Variants in KHDC1 observed in about 807,000 individuals in gnomAD.
The protein encoded by KHDC1 is KH domain containing 1.
Under a neutral mutation model 24.7 loss-of-function variants are expected in KHDC1, and 21 were observed. That is an observed-to-expected ratio of 0.85 (90% CI 0.60 to 1.23). The LOEUF (loss-of-function observed/expected upper bound fraction) is 1.23, where lower values mean the gene tolerates loss of function less well. KHDC1 is among the 50% of genes most tolerant of loss of function. KHDC1 has a pLI of 0.00. For missense variants in KHDC1, 274 were observed against 298.5 expected (o/e 0.92, Z 0.61); for synonymous variants, 98 against 111.7 (o/e 0.88, Z 0.77).
intron 2 of KHDC1, among the ~76,000 whole-genome samples, chr6:73,248,974 A>G (rs1766728065): frequency 1.3e-5 from 2 of 151,794 alleles, no homozygotes; most frequent in African/African-American, 4.8e-5. Context: ...AAGAAAAGGT[A>G]AAGTTTCAGA....
rs182907880 is a variant in KHDC1, at chr6:73,290,550, A to G, written c.206+1448T>C. 6.4e-5 allele frequency: 30 copies of G among 469,394 alleles called. No individual in the cohort carries two copies. The Admixed American group carries it at 7.3e-4, about 11-fold the overall frequency. The allele number at this position is 469,394 out of a possible 1,614,324, so 29.1% of individuals were successfully genotyped here. A position where few individuals can be genotyped will look rare whatever the true frequency, so the allele number is the denominator to read the frequency against. ...CTAACAAGATCCAAAGTCCACAAAT[A>G]TATCATAAATCTGAAGAGGAACTGG... On this transcript the variant is annotated intron_variant, in intron 2 of 4. Transcript: ENST00000370384.
intron 2 of KHDC1, among the ~76,000 whole-genome samples, chr6:73,272,824 G>A (rs1469005660): frequency 6.6e-6 from 1 of 150,924 alleles, no homozygotes; most frequent in Non-Finnish European, 1.5e-5. Flanking sequence ...TTTAGGGCCT[G>A]GGCTGGATAA....
intron 2 of KHDC1, chr6:73,274,606 A>G (rs1421534586): frequency 6.6e-6 from 1 of 152,170 alleles, no homozygotes; most frequent in Non-Finnish European, 1.5e-5. Context: ...CATTTCCCCT[A>G]CTGGCGCTCA....
intron 2 of KHDC1, among the ~76,000 whole-genome samples, chr6:73,284,098 T>C (rs555576736): frequency 3.3e-5 from 5 of 152,270 alleles, no homozygotes; most frequent in Non-Finnish European, 7.4e-5. Context: ...ATCGTTCCTC[T>C]CTAAAACGGA....
chr6:73,268,028 GT>G, intron 2 of KHDC1: 1 of 156,748 alleles, frequency 6.4e-6, no homozygotes, highest in Non-Finnish European at 1.4e-5. Context: ...TAGAGACGGG[GT>G]TTTTCTCCAT....
intron 2 of KHDC1, among the ~76,000 whole-genome samples, chr6:73,287,523 C>T (rs77241000): frequency 0.044 from 6,628 of 152,280 alleles, 204 homozygotes; most frequent in East Asian, 0.14. Flanking sequence ...TCCAGACATA[C>T]GCCAGTTTCC....
intron 1 of KHDC1, chr6:73,292,641 T>C: frequency 1.3e-6 from 1 of 756,868 alleles, no homozygotes; most frequent in Non-Finnish European, 2.5e-6. Context: ...ACCCCAAAGG[T>C]TGTGATAATA....
At chr6:73,242,834 T>G (rs1005837953) in intron 2 of KHDC1, among the ~76,000 whole-genome samples, 6 of 152,148 alleles carry the variant, frequency 3.9e-5, no homozygotes, top group Non-Finnish European at 7.4e-5. Flanking sequence ...CTACTGGGTA[T>G]GAACCAGGAC....
chr6:73,261,775 G>A (rs1766984478), intron 2 of KHDC1, among the ~76,000 whole-genome samples: 1 of 152,092 alleles, frequency 6.6e-6, no homozygotes, highest in Non-Finnish European at 1.5e-5. Context: ...AGCTGGGCAT[G>A]GTGGCAGGCA....
At chr6:73,281,617 CAA>C (rs58163019) in intron 2 of KHDC1, among the ~76,000 whole-genome samples, 23 of 93,748 alleles carry the variant, frequency 2.5e-4, no homozygotes, top group African/African-American at 4.1e-4. Context: ...AACTTCGTCT[CAA>C]AAAAAAAAAA....
chr6:73,261,167 G>A (rs774132718), intron 2 of KHDC1, among the ~76,000 whole-genome samples: 1 of 152,190 alleles, frequency 6.6e-6, no homozygotes, highest in African/African-American at 2.4e-5. Context: ...CATAGGCCAG[G>A]CATGGTGGCT....
At chr6:73,276,761 C>CTT (rs1207904423) in intron 2 of KHDC1, among the ~76,000 whole-genome samples, 1 of 152,186 alleles carries the variant, frequency 6.6e-6, no homozygotes, top group African/African-American at 2.4e-5. Flanking sequence ...CTGAATCCTC[C>CTT]TTTTTTGCAC....
At chr6:73,294,005 C>CAA (rs111522900) in intron 1 of KHDC1, among the ~76,000 whole-genome samples, 1,790 of 64,036 alleles carry the variant, frequency 0.028, 94 homozygotes, top group Non-Finnish European at 0.042. Context: ...GACTCCACCT[C>CAA]AAAAAAAAAA....
chr6:73,251,390 G>A (rs1475302661), intron 2 of KHDC1, among the ~76,000 whole-genome samples: 1 of 152,110 alleles, frequency 6.6e-6, no homozygotes, highest in Non-Finnish European at 1.5e-5. Context: ...CTGGGAATAG[G>A]TCCAATATAT....
intron 2 of KHDC1, among the ~76,000 whole-genome samples, chr6:73,249,610 A>T (rs1766742192): frequency 6.6e-6 from 1 of 152,216 alleles, no homozygotes. Context: ...AAGCGCACAC[A>T]CACAGGAAGG....
At chr6:73,255,361 G>C (rs1172073028) in intron 2 of KHDC1, among the ~76,000 whole-genome samples, 6 of 150,646 alleles carry the variant, frequency 4.0e-5, no homozygotes, top group Admixed American at 6.6e-5. Context: ...CTGGGACTAT[G>C]GGGCACGCCA....
intron 2 of KHDC1, among the ~76,000 whole-genome samples, chr6:73,284,914 G>A (rs536928929): frequency 3.0e-4 from 45 of 151,506 alleles, no homozygotes; most frequent in Non-Finnish European, 4.6e-4. Flanking sequence ...GCGCAATCTC[G>A]GCTCCCTGCA....
chr6:73,292,457 G>A, intron 1 of KHDC1: 1 of 773,204 alleles, frequency 1.3e-6, no homozygotes, highest in East Asian at 2.4e-5. Flanking sequence ...CAGAAATGCT[G>A]TAAGTTCACT....
In KHDC1 at chr6:73,246,865, C is replaced by T. The variant is rs544788078; in HGVS notation, c.207-4335G>A. Among the ~76,000 whole-genome samples, 16 of 151,548 alleles carry T rather than the reference C, an allele frequency of 1.1e-4. No homozygotes were observed. In the South Asian group the frequency reaches 3.1e-3, roughly 30 times the overall value. On this transcript the variant is annotated intron_variant, in intron 2 of 4. Transcript: ENST00000370384. ...TTTATATATAAATTAGAAGAGCAAA[C>T]ATTTTTATTAACAGTGGTCATTCCA...
Sources: allele counts gnomAD v4.1 joint callset (sites outside exome capture counted in the v4.1 genomes callset), GRCh38; gene constraint gnomAD v4.1.1; transcripts MANE v1.5; gene names NCBI Gene and HGNC (gene_info 2026-07-23, HGNC 2026-07-21).